CCDC158: variants seen among roughly 807,000 people sequenced by gnomAD.
The protein encoded by CCDC158 is coiled-coil domain-containing protein 158.
Under a neutral mutation model 138.6 loss-of-function variants are expected in CCDC158, and 116 were observed. The ratio of observed to expected loss-of-function variants is 0.84; its 90% CI spans 0.72 to 0.98. The LOEUF (loss-of-function observed/expected upper bound fraction) is 0.98, where lower values mean the gene tolerates loss of function less well. Among genes scored for constraint, CCDC158 ranks in the 50% least tolerant of loss-of-function variants. The pLI, the probability that CCDC158 is intolerant of heterozygous loss-of-function variation, is 0.00. For synonymous variants in CCDC158, 436 were observed against 442.4 expected (o/e 0.99, Z 0.18); for missense variants, 1,265 against 1,306.1 (o/e 0.97, Z 0.48).
At chr4:76,383,582 A>G in intron 7 of CCDC158, 80 bp downstream of exon 7, 2 of 982,478 alleles carry the variant, frequency 2.0e-6, no homozygotes, top group Non-Finnish European at 3.3e-6. Flanking sequence ...AGCTGTTTAG[A>G]TTTTGGAATT....
chr4:76,413,286 C>A (rs772892197), intron 1 of CCDC158, among the ~76,000 whole-genome samples: 6 of 151,340 alleles, frequency 4.0e-5, no homozygotes, highest in Admixed American at 2.6e-4. Flanking sequence ...CCAGCCTGGA[C>A]AATATAGTGA....
At chr4:76,352,973 G>A in intron 16 of CCDC158, 150 bp downstream of exon 16, 2 of 605,914 alleles carry the variant, frequency 3.3e-6, no homozygotes, top group Non-Finnish European at 5.3e-6. Context: ...TCTCTAATAG[G>A]ATAGGGTTTT....
At position 76,345,431 on chromosome 4, in the gene CCDC158, G is replaced by A. The variant is rs1722454902; in HGVS notation, c.2664+5565C>T. 6.4e-6 allele frequency: 6 copies of A among 939,572 alleles called. No individual in the cohort carries two copies. The Admixed American group carries it at 8.4e-5, about 13-fold the overall frequency. 58.2% of individuals were successfully genotyped at this position (939,572 alleles called of 1,614,324 possible). On this transcript the variant is annotated intron_variant, in intron 18 of 24. Coordinates refer to ENST00000682701, the MANE Select transcript of CCDC158 (RefSeq NM_001394954.1). ...AGGAGTGCTGCCTGAAATTTGAACA[G>A]CTTTCCAAATCTGCAAAAGAAGAAC...
At chr4:76,354,049 A>C (rs778106777) in intron 15 of CCDC158, among the ~76,000 whole-genome samples, 11 of 152,134 alleles carry the variant, frequency 7.2e-5, no homozygotes, top group Admixed American at 2.0e-4. Context: ...GGCAGAAAAG[A>C]CTTCAGAAGG....
At chr4:76,404,301 A>G (rs1018888230) in intron 2 of CCDC158, among the ~76,000 whole-genome samples, 2 of 152,226 alleles carry the variant, frequency 1.3e-5, no homozygotes, top group East Asian at 3.8e-4. Flanking sequence ...ATAGGAATAG[A>G]TAAAAGCAGA....
intron 24 of CCDC158, among the ~76,000 whole-genome samples, chr4:76,318,987 G>A (rs915985469): frequency 9.2e-5 from 14 of 151,974 alleles, no homozygotes; most frequent in African/African-American, 3.4e-4. Context: ...AATTAGCTGG[G>A]AGTGGCCAGG....
At chr4:76,355,859 A>G (rs1482016026) in intron 14 of CCDC158, among the ~76,000 whole-genome samples, 9 of 151,302 alleles carry the variant, frequency 5.9e-5, no homozygotes, top group African/African-American at 2.2e-4. Flanking sequence ...ATAAATAATA[A>G]TATATATTGT....
At chr4:76,373,552 A>G (rs1398020) in intron 9 of CCDC158, among the ~76,000 whole-genome samples, 4,475 of 152,216 alleles carry the variant, frequency 0.029, 218 homozygotes, top group African/African-American at 0.1. Flanking sequence ...TAGTTTTACT[A>G]TTTACTATTT....
intron 9 of CCDC158, among the ~76,000 whole-genome samples, chr4:76,377,090 T>C (rs1725788771): frequency 6.6e-6 from 1 of 152,228 alleles, no homozygotes; most frequent in Admixed American, 6.5e-5. Flanking sequence ...ATTCTTTTTA[T>C]ACATTTTAGA....
chr4:76,342,140 C>T (rs1260663084), intron 18 of CCDC158, among the ~76,000 whole-genome samples: 1 of 152,078 alleles, frequency 6.6e-6, no homozygotes, highest in Non-Finnish European at 1.5e-5. Context: ...TACTCATGGA[C>T]TCAAGCAATC....
At chr4:76,340,568 C>T (rs1428125753) in intron 18 of CCDC158, among the ~76,000 whole-genome samples, 1 of 152,156 alleles carries the variant, frequency 6.6e-6, no homozygotes, top group Non-Finnish European at 1.5e-5. Context: ...TTCCAACATC[C>T]TATCTTTGTG....
intron 18 of CCDC158, among the ~76,000 whole-genome samples, chr4:76,343,468 C>T (rs1722250659): frequency 6.6e-6 from 1 of 152,152 alleles, no homozygotes; most frequent in Non-Finnish European, 1.5e-5. Flanking sequence ...ATTAATAATT[C>T]AGGTAACACA....
At chr4:76,418,966 TAC>T (rs1433604044) in intron 1 of CCDC158, among the ~76,000 whole-genome samples, 34 of 152,162 alleles carry the variant, frequency 2.2e-4, no homozygotes, top group Non-Finnish European at 5.0e-4. Context: ...CATATTTTAA[TAC>T]ATGGAAGCAC....
intron 3 of CCDC158, among the ~76,000 whole-genome samples, chr4:76,397,462 T>G (rs2109838615): frequency 6.6e-6 from 1 of 152,270 alleles, no homozygotes; most frequent in East Asian, 1.9e-4. Context: ...ATAAGGAAAC[T>G]AATAACCACC....
Position 76,367,597 on chromosome 4 carries a change from CTCTT to C in CCDC158, c.1523_1526del (p.Lys508ArgfsTer20). On this transcript the variant is annotated frameshift_variant, in exon 12 of 25. Coordinates refer to ENST00000682701, the MANE Select transcript of CCDC158 (RefSeq NM_001394954.1). LOFTEE classifies it high-confidence loss of function. ...CTGCATTGGTAGCCTCGATGGCTCTCTCTTTTTCCTGGAGAGAAGTTGTCAGGTC... is the reference window on the plus strand; with the variant it reads ...CTGCATTGGTAGCCTCGATGGCTCTCTTTCCTGGAGAGAAGTTGTCAGGTC... 1.2e-6 allele frequency: 2 copies of C among 1,614,230 alleles called. No individual in the cohort carries two copies. The highest frequency in any genetic ancestry group is 1.7e-6 in the Non-Finnish European group (2 of 1,180,048).
At chr4:76,365,717 C>T (rs1252998622) in intron 12 of CCDC158, among the ~76,000 whole-genome samples, 3 of 152,196 alleles carry the variant, frequency 2.0e-5, no homozygotes, top group African/African-American at 7.2e-5. Context: ...AACACAGATC[C>T]TGATGGATGC....
intron 3 of CCDC158, chr4:76,401,354 G>A (rs769709260): frequency 1.1e-4 from 55 of 506,696 alleles, no homozygotes; most frequent in Middle Eastern, 6.7e-4. Context: ...TTCTCTGTAT[G>A]CCCAGAGAAA....
At chr4:76,320,288 T>G (rs765754953) in intron 24 of CCDC158, among the ~76,000 whole-genome samples, 33 of 152,160 alleles carry the variant, frequency 2.2e-4, no homozygotes, top group Non-Finnish European at 4.7e-4. Context: ...AAGGAAATCA[T>G]AGACAACACA....
At chr4:76,351,228 G>C in intron 17 of CCDC158, 107 bp from the exon 18 acceptor site, 1 of 1,045,842 alleles carries the variant, frequency 9.6e-7, no homozygotes, top group Non-Finnish European at 1.4e-6. Context: ...CCATTATTGA[G>C]ATTTTAAAAT....
Sources: gnomAD v4.1 joint callset for allele counts (sites outside exome capture counted in the v4.1 genomes callset) on GRCh38, gnomAD v4.1.1 for gene constraint, MANE v1.5 for transcripts, NCBI Gene and HGNC (gene_info 2026-07-23, HGNC 2026-07-21) for gene names.